BRI3: variants seen among roughly 807,000 people sequenced by gnomAD.
BRI3 encodes the protein brain protein I3.
BRI3 carries 6 observed loss-of-function variants against 12.8 expected under a neutral mutation model. The observed-to-expected ratio is 0.47, with a 90% CI of 0.26 to 0.93. The LOEUF (loss-of-function observed/expected upper bound fraction) is 0.93, where lower values mean the gene tolerates loss of function less well. Ranked by LOEUF, BRI3 falls within the 40% of genes least tolerant of loss-of-function variation. The pLI, the probability that BRI3 is intolerant of heterozygous loss-of-function variation, is 0.15. For synonymous variants in BRI3, 91 were observed against 76.1 expected (o/e 1.20, Z -1.02); for missense variants, 134 against 171.1 (o/e 0.78, Z 1.21).
At chr7:98,293,087 C>T (rs563021041), downstream of BRI3, 12 of 560,456 alleles carry the variant, frequency 2.1e-5, no homozygotes, top group East Asian at 9.3e-5. Flanking sequence ...TGCAAACTTA[C>T]GTGATATCTT....
intron 1 of BRI3, 102 bp from the exon 2 acceptor site, chr7:98,282,249 G>T (rs58983614): frequency 7.6e-6 from 8 of 1,055,080 alleles, no homozygotes; most frequent in African/African-American, 1.6e-5. Flanking sequence ...AAGACCGGGG[G>T]CTTTTTTAGC....
At chr7:98,295,913 G>A (rs926019669), downstream of BRI3, among the ~76,000 whole-genome samples, 1 of 152,170 alleles carries the variant, frequency 6.6e-6, no homozygotes, top group Non-Finnish European at 1.5e-5. Flanking sequence ...ATGACAGCTG[G>A]AAGCCACTCA....
At chr7:98,290,264 C>T (rs1342724489) in intron 2 of BRI3, among the ~76,000 whole-genome samples, 3 of 145,374 alleles carry the variant, frequency 2.1e-5, no homozygotes, top group Non-Finnish European at 3.0e-5. Flanking sequence ...GGCACAATCT[C>T]GGCTCACTGC....
At chr7:98,315,538 A>C in the BRI3 span, 1 of 1,520,844 alleles carries the variant, frequency 6.6e-7, no homozygotes, top group Admixed American at 1.9e-5. Context: ...TCTTCTCTTC[A>C]AGCAGAGCCT....
chr7:98,300,953 C>T (rs1800396039), intron 1 of BRI3, among the ~76,000 whole-genome samples: 1 of 152,190 alleles, frequency 6.6e-6, no homozygotes, highest in African/African-American at 2.4e-5. Context: ...TCCCAGGAAC[C>T]CTGGCCTCTC....
At chr7:98,286,416 C>T (rs1799712465) in intron 2 of BRI3, among the ~76,000 whole-genome samples, 1 of 152,212 alleles carries the variant, frequency 6.6e-6, no homozygotes, top group Non-Finnish European at 1.5e-5. Context: ...TCCCTAATTT[C>T]GCCAGTGGCC....
intron 1 of BRI3, among the ~76,000 whole-genome samples, chr7:98,299,211 G>A (rs1446868539): frequency 6.6e-6 from 1 of 151,952 alleles, no homozygotes; most frequent in African/African-American, 2.4e-5. Flanking sequence ...TAGAGACAGG[G>A]TTTCACCATG....
chr7:98,312,715 G>A (rs1234214990), downstream of BRI3, among the ~76,000 whole-genome samples: 1 of 151,618 alleles, frequency 6.6e-6, no homozygotes, highest in South Asian at 2.1e-4. Context: ...TTAGAGAAGT[G>A]AATCAGACAC....
chr7:98,283,333 G>A (rs1046524995), intron 2 of BRI3, among the ~76,000 whole-genome samples: 4 of 152,142 alleles, frequency 2.6e-5, no homozygotes, highest in Admixed American at 6.5e-5. Context: ...GAGTCACGGG[G>A]AAGTGAGTGA....
intron 1 of BRI3, among the ~76,000 whole-genome samples, chr7:98,299,376 TG>T (rs1410228931): frequency 6.6e-6 from 1 of 152,106 alleles, no homozygotes; most frequent in African/African-American, 2.4e-5. Context: ...CAGGCTGATC[TG>T]GAACTCCTAG....
At position 98,281,855 on chromosome 7, in the gene BRI3, G is replaced by A. The variant is rs976920258; in HGVS notation, c.60G>A (p.Gln20=). ...CCGCCTACAACCTGGAGGCCGGCCA[G>A]GGCGACTACGCGTGCGGCCCGCACG... ...RPPAYNLEAG[Q]GDYACGPHGY... The change falls in exon 1 of 3, where the codon CAG becomes CAA. Residue 20 remains glutamine (Q), a synonymous_variant. Coordinates refer to ENST00000297290, the MANE Select transcript of BRI3 (RefSeq NM_015379.5). The A allele has an allele frequency of 6.1e-6, 8 of 1,306,586 alleles. No homozygotes were observed. The highest frequency in any genetic ancestry group is 7.8e-6 in the Non-Finnish European group (8 of 1,024,682). 80.9% of individuals were successfully genotyped at this position (1,306,586 alleles called of 1,614,324 possible).
chr7:98,295,814 T>A (rs1315326355), downstream of BRI3, among the ~76,000 whole-genome samples: 1 of 151,886 alleles, frequency 6.6e-6, no homozygotes, highest in African/African-American at 2.4e-5. Flanking sequence ...CACGGGACTT[T>A]AAAAAGGTCC....
chr7:98,302,623 A>T (rs1316478376), upstream of BRI3, among the ~76,000 whole-genome samples: 1 of 152,096 alleles, frequency 6.6e-6, no homozygotes, highest in Non-Finnish European at 1.5e-5. Flanking sequence ...CAAAATCCAG[A>T]TGGGGGACAC....
chr7:98,288,935 G>C (rs946493930), intron 2 of BRI3, among the ~76,000 whole-genome samples: 1 of 152,060 alleles, frequency 6.6e-6, no homozygotes, highest in Non-Finnish European at 1.5e-5. Flanking sequence ...AGGCTAGAGG[G>C]AGGCAGGTGG....
the BRI3 span, among the ~76,000 whole-genome samples, chr7:98,321,471 C>T: frequency 6.6e-6 from 1 of 152,306 alleles, no homozygotes; most frequent in East Asian, 1.9e-4. Flanking sequence ...AAACCAAGCA[C>T]AGTCACATGA....
the BRI3 span, among the ~76,000 whole-genome samples, chr7:98,319,159 G>GTGGTGT: frequency 7.9e-5 from 12 of 152,132 alleles, no homozygotes; most frequent in Non-Finnish European, 1.8e-4. Context: ...ACTGCCACAT[G>GTGGTGT]GGGGTCTGGG....
At chr7:98,292,768 T>C, downstream of BRI3, 1 of 1,549,660 alleles carries the variant, frequency 6.5e-7, no homozygotes. Flanking sequence ...ACTAGCTGAG[T>C]GAGAACACAA....
chr7:98,321,614 TA>T, the BRI3 span, among the ~76,000 whole-genome samples: 2 of 152,152 alleles, frequency 1.3e-5, no homozygotes, highest in Non-Finnish European at 2.9e-5. Flanking sequence ...TGACATCTGA[TA>T]AAGGTGAACA....
chr7:98,300,855 C>T (rs948360292), intron 1 of BRI3, among the ~76,000 whole-genome samples: 1 of 152,172 alleles, frequency 6.6e-6, no homozygotes, highest in African/African-American at 2.4e-5. Flanking sequence ...CCCAAGTCAC[C>T]GCAACGCCCA....
Sources: allele counts gnomAD v4.1 joint callset (sites outside exome capture counted in the v4.1 genomes callset), GRCh38; gene constraint gnomAD v4.1.1; transcripts MANE v1.5; gene names NCBI Gene and HGNC (gene_info 2026-07-23, HGNC 2026-07-21).